The following HIVEP3 variants were observed in gnomAD, a reference collection of about 807,000 sequenced individuals.
HIVEP3 encodes transcription factor HIVEP3.
A neutral mutation model predicts 152.8 loss-of-function variants in HIVEP3; 49 were observed. That is an observed-to-expected ratio of 0.32 (90% CI 0.26 to 0.41). The LOEUF is 0.41. HIVEP3 is among the 10% of genes least tolerant of loss of function. The pLI is 1.00. For missense variants in HIVEP3, 2,790 were observed against 3,103.3 expected, an observed-to-expected ratio of 0.90 and a Z score of 2.40; for synonymous variants, 1,269 against 1,289.0, an observed-to-expected ratio of 0.98 and a Z score of 0.33.
intron 1 of HIVEP3, among the ~76,000 whole-genome samples, chr1:41,749,577 G>A (rs1647126506): frequency 6.6e-6 from 1 of 152,192 alleles, no homozygotes; most frequent in South Asian, 2.1e-4. Context: ...GGTTTTCCCT[G>A]TGAAATGTCA....
intron 1 of HIVEP3, among the ~76,000 whole-genome samples, chr1:41,823,797 G>A (rs1324251165): frequency 6.6e-6 from 1 of 152,160 alleles, no homozygotes; most frequent in Non-Finnish European, 1.5e-5. Context: ...CTTCCTTCTG[G>A]TGTCACTGGG....
At chr1:41,705,164 G>A (rs969346444) in intron 1 of HIVEP3, among the ~76,000 whole-genome samples, 7 of 152,216 alleles carry the variant, frequency 4.6e-5, no homozygotes, top group East Asian at 1.9e-4. Flanking sequence ...GCAAGAGAAC[G>A]TGTCCAGGCT....
chr1:42,005,047 C>A (rs1321771743), intron 1 of HIVEP3, among the ~76,000 whole-genome samples: 1 of 152,162 alleles, frequency 6.6e-6, no homozygotes, highest in African/African-American at 2.4e-5. Context: ...GGACACTCCA[C>A]CTTAGGGACT....
intron 1 of HIVEP3, among the ~76,000 whole-genome samples, chr1:41,875,173 C>T (rs1644148243): frequency 1.3e-5 from 2 of 152,258 alleles, no homozygotes; most frequent in South Asian, 4.1e-4. Flanking sequence ...TCCTTCAGGG[C>T]TCCAGCACCA....
intron 5 of HIVEP3, among the ~76,000 whole-genome samples, chr1:41,539,898 T>C (rs184745553): frequency 6.6e-6 from 1 of 152,368 alleles, no homozygotes; most frequent in African/African-American, 2.4e-5. Flanking sequence ...AGGCACTTTT[T>C]ACAGAAATTA....
chr1:41,835,427 T>C lies in HIVEP3; in HGVS notation c.-801+82986A>G, dbSNP rs1416915422. 7.2e-5 allele frequency among the ~76,000 whole-genome samples: 11 copies of C among 152,308 alleles called. No homozygotes were observed. The East Asian group carries it at 2.1e-3, about 29-fold the overall frequency. ...GTGAGCTCTCTGGTGTCTCTTCACA[T>C]AAGGACATCAATCCTATTAGTGACT... On this transcript the variant is annotated intron_variant, in intron 1 of 8. Transcript: ENST00000372583.
intron 1 of HIVEP3, among the ~76,000 whole-genome samples, chr1:41,952,472 C>T (rs981229750): frequency 2.0e-5 from 3 of 151,798 alleles, no homozygotes; most frequent in Non-Finnish European, 4.4e-5. Flanking sequence ...GTAGTGCCTG[C>T]GAGGCCCTTC....
At chr1:41,934,609 T>G (rs1481182019) in intron 1 of HIVEP3, among the ~76,000 whole-genome samples, 1 of 152,142 alleles carries the variant, frequency 6.6e-6, no homozygotes, top group Non-Finnish European at 1.5e-5. Flanking sequence ...GTACAGCAGT[T>G]GGTCAGGGTA....
At chr1:41,884,490 G>A (rs565801033) in intron 1 of HIVEP3, among the ~76,000 whole-genome samples, 2 of 152,312 alleles carry the variant, frequency 1.3e-5, no homozygotes, top group East Asian at 3.9e-4. Flanking sequence ...GCAGAAGGAC[G>A]TTGGGGAATG....
chr1:41,742,376 T>C (rs971624013), intron 1 of HIVEP3, among the ~76,000 whole-genome samples: 1 of 152,214 alleles, frequency 6.6e-6, no homozygotes, highest in Non-Finnish European at 1.5e-5. Context: ...TTCCGCATAC[T>C]CTGCTGCTGT....
At chr1:41,686,066 GTTTTGTTTTGTTTTGTTTTT>G (rs968434570) in intron 2 of HIVEP3, among the ~76,000 whole-genome samples, 1 of 149,996 alleles carries the variant, frequency 6.7e-6, no homozygotes, top group African/African-American at 2.5e-5. Context: ...TGTTTGTTTT[GTTTTGTTTTGTTTTGTTTTT>G]TTTGAGATGG....
chr1:41,568,088 A>G (rs1363254416), intron 5 of HIVEP3, among the ~76,000 whole-genome samples: 3 of 152,198 alleles, frequency 2.0e-5, no homozygotes, highest in Non-Finnish European at 4.4e-5. Context: ...GCCAGGCACT[A>G]TTCTCAGCAC....
intron 3 of HIVEP3, among the ~76,000 whole-genome samples, chr1:41,604,317 A>G (rs2149126900): frequency 6.6e-6 from 1 of 152,354 alleles, no homozygotes; most frequent in East Asian, 1.9e-4. Context: ...ATTGTGGTAT[A>G]TTCATATAAC....
At chr1:41,966,480 T>G (rs1645198668) in intron 1 of HIVEP3, among the ~76,000 whole-genome samples, 1 of 129,074 alleles carries the variant, frequency 7.7e-6, no homozygotes, top group South Asian at 2.9e-4. Flanking sequence ...GTATTCTTTT[T>G]TTTTTTTTTT....
chr1:41,761,550 G>A (rs1170596485), intron 1 of HIVEP3, among the ~76,000 whole-genome samples: 1 of 152,158 alleles, frequency 6.6e-6, no homozygotes. Context: ...AGGTGTGTAT[G>A]CATAAGTATG....
intron 1 of HIVEP3, among the ~76,000 whole-genome samples, chr1:41,884,469 G>A (rs990672805): frequency 1.3e-5 from 2 of 152,210 alleles, no homozygotes; most frequent in African/African-American, 4.8e-5. Context: ...TTGCAGGCAA[G>A]TGCGGCTGAT....
At chr1:41,620,163 G>C (rs561729043) in intron 3 of HIVEP3, among the ~76,000 whole-genome samples, 1 of 152,214 alleles carries the variant, frequency 6.6e-6, no homozygotes, top group Non-Finnish European at 1.5e-5. Flanking sequence ...AACAGAGCCC[G>C]AACAGAGGCA....
chr1:41,562,604 TC>T (rs1472925532), intron 5 of HIVEP3, among the ~76,000 whole-genome samples: 230 of 94,120 alleles, frequency 2.4e-3, no homozygotes, highest in East Asian at 0.016. Context: ...CCTTTCTTTC[TC>T]TCTCTCTCTC....
At chr1:41,901,403 T>C (rs563154918) in intron 1 of HIVEP3, among the ~76,000 whole-genome samples, 1 of 152,148 alleles carries the variant, frequency 6.6e-6, no homozygotes, top group South Asian at 2.1e-4. Context: ...CCAGGGGACG[T>C]GACACCTTCA....
Sources: gnomAD v4.1 joint callset for allele counts (sites outside exome capture counted in the v4.1 genomes callset) on GRCh38, gnomAD v4.1.1 for gene constraint, MANE v1.5 for transcripts, NCBI Gene and HGNC (gene_info 2026-07-23, HGNC 2026-07-21) for gene names.